The following PHC2 variants were observed in gnomAD, a reference collection of about 807,000 sequenced individuals.
PHC2 encodes the protein polyhomeotic-like protein 2.
A neutral mutation model predicts 87.4 loss-of-function variants in PHC2; 29 were observed. The observed-to-expected ratio is 0.33, with a 90% CI of 0.25 to 0.45. PHC2 has a LOEUF of 0.45. PHC2 is among the 20% of genes least tolerant of loss of function. PHC2 has a pLI of 1.00. For missense variants in PHC2, 857 were observed against 1,136.7 expected (o/e 0.75, Z 3.54); for synonymous variants, 438 against 461.7 (o/e 0.95, Z 0.66).
At position 33,356,249 on chromosome 1, in the gene PHC2, T is replaced by TTATATATATATATATATATATA. The variant is rs60725677; in HGVS notation, c.977-1018_977-997dup. Among the ~76,000 whole-genome samples the TTATATATATATATATATATATA allele has an allele frequency of 3.3e-4, 33 of 101,534 alleles. No individual in the cohort carries two copies. In the East Asian group the frequency reaches 5.2e-3, roughly 16 times the overall value. The allele number at this position is 101,534 out of a possible 152,430, so 66.6% of individuals were successfully genotyped here. A position where few individuals can be genotyped will look rare whatever the true frequency, so the allele number is the denominator to read the frequency against. ...GGCTGACTCTTTGAGGTGAAAATTC[T>TTATATATATATATATATATATA]TATATATATATATATATATATATAT... On this transcript the variant is annotated intron_variant, in intron 7 of 14. Coordinates refer to ENST00000683057, the MANE Select transcript of PHC2 (RefSeq NM_001385109.1).
intron 1 of PHC2, among the ~76,000 whole-genome samples, chr1:33,430,402 C>G (rs1256062428): frequency 6.6e-6 from 1 of 152,206 alleles, no homozygotes; most frequent in South Asian, 2.1e-4. Context: ...GTGCCCCCCA[C>G]GCCACGCTTG....
At chr1:33,367,069 G>A (rs760169031) in intron 7 of PHC2, 47 bp downstream of exon 7, 7 of 1,505,768 alleles carry the variant, frequency 4.6e-6, no homozygotes, top group East Asian at 2.3e-5. Flanking sequence ...CCTGACTCAC[G>A]GCCCTGAGTT....
At chr1:33,419,899 GC>G (rs1650364840) in intron 1 of PHC2, among the ~76,000 whole-genome samples, 1 of 150,654 alleles carries the variant, frequency 6.6e-6, no homozygotes, top group South Asian at 2.1e-4. Context: ...GTGAGCCACC[GC>G]GCCCGGCCAC....
chr1:33,356,251 ATATATATATATATATATATATATATG>A (rs1248869939), intron 7 of PHC2, among the ~76,000 whole-genome samples: 10 of 39,810 alleles, frequency 2.5e-4, no homozygotes, highest in East Asian at 1.0e-3. Flanking sequence ...GAAAATTCTT[ATATATATATATATATATATATATATG>A]TATATATATA....
At chr1:33,426,948 AG>A (rs1488174475) in intron 1 of PHC2, among the ~76,000 whole-genome samples, 5 of 152,232 alleles carry the variant, frequency 3.3e-5, no homozygotes, top group African/African-American at 1.2e-4. Flanking sequence ...GCAACAAGAG[AG>A]TATTAAACCA....
chr1:33,425,393 G>A (rs1385604363), intron 1 of PHC2, among the ~76,000 whole-genome samples: 2 of 152,186 alleles, frequency 1.3e-5, no homozygotes, highest in South Asian at 2.1e-4. Context: ...AGTGAAAGCC[G>A]ATAAAGGTAT....
intron 1 of PHC2, 90 bp downstream of exon 1, chr1:33,430,886 G>A (rs1162403096): frequency 1.3e-5 from 2 of 150,488 alleles, no homozygotes; most frequent in African/African-American, 2.4e-5. Flanking sequence ...GGTGCCCAAA[G>A]GGTTAAGCCG....
intron 1 of PHC2, among the ~76,000 whole-genome samples, chr1:33,422,593 A>C (rs569802834): frequency 6.6e-6 from 1 of 152,340 alleles, no homozygotes; most frequent in Middle Eastern, 3.4e-3. Flanking sequence ...CTAGTACCAC[A>C]TTCCCTACTT....
intron 1 of PHC2, among the ~76,000 whole-genome samples, chr1:33,389,962 G>A (rs1007624464): frequency 2.6e-5 from 4 of 152,190 alleles, no homozygotes; most frequent in Non-Finnish European, 4.4e-5. Context: ...TTTATGAAAC[G>A]TAGGTAGCTA....
intron 1 of PHC2, among the ~76,000 whole-genome samples, chr1:33,383,795 C>T (rs541341486): frequency 7.2e-5 from 11 of 152,240 alleles, no homozygotes; most frequent in Admixed American, 3.3e-4. Flanking sequence ...CAGGCACACA[C>T]GGGGAGAAGC....
intron 1 of PHC2, among the ~76,000 whole-genome samples, chr1:33,396,479 A>T (rs1649301002): frequency 6.6e-6 from 1 of 152,186 alleles, no homozygotes; most frequent in South Asian, 2.1e-4. Flanking sequence ...TCTCAGAATG[A>T]ATTTCATTAC....
At chr1:33,356,249 T>TTATATATATATATG (rs1647068798) in intron 7 of PHC2, among the ~76,000 whole-genome samples, 1 of 101,534 alleles carries the variant, frequency 9.8e-6, no homozygotes, top group South Asian at 3.5e-4. Flanking sequence ...GTGAAAATTC[T>TTATATATATATATG]TATATATATA....
chr1:33,423,127 C>T lies in PHC2; in HGVS notation c.-55+7849G>A, dbSNP rs185262333. ...AACCCCAGCATTATGGCTCTAGTGT[C>T]CCTGCAGTGAACCCTTACCTCCAAC... On this transcript the variant is annotated intron_variant, in intron 1 of 14. Coordinates refer to ENST00000683057, the MANE Select transcript of PHC2 (RefSeq NM_001385109.1). Among the ~76,000 whole-genome samples, 576 of 152,184 alleles carry T rather than the reference C, an allele frequency of 3.8e-3. 4 individuals are homozygous for T. The highest frequency in any genetic ancestry group is 0.024 in the Middle Eastern group (7 of 292).
chr1:33,402,335 G>A (rs1160646243), intron 1 of PHC2, among the ~76,000 whole-genome samples: 2 of 152,180 alleles, frequency 1.3e-5, no homozygotes, highest in African/African-American at 4.8e-5. Context: ...CATGGAATGG[G>A]TAGGAGTAAA....
At chr1:33,425,498 C>T (rs1262111430) in intron 1 of PHC2, among the ~76,000 whole-genome samples, 1 of 152,194 alleles carries the variant, frequency 6.6e-6, no homozygotes, top group Non-Finnish European at 1.5e-5. Context: ...ATGAAAAAGA[C>T]ATGGTCCCTA....
intron 1 of PHC2, among the ~76,000 whole-genome samples, chr1:33,424,092 C>G (rs190594475): frequency 1.0e-4 from 13 of 129,334 alleles, no homozygotes; most frequent in Admixed American, 4.7e-4. Context: ...AACGAGACTC[C>G]GTCTCAAAAA....
intron 9 of PHC2, chr1:33,336,694 G>C (rs76122066): frequency 0.027 from 4,185 of 152,342 alleles, 163 homozygotes; most frequent in East Asian, 0.18. Flanking sequence ...ACTGAGGGAC[G>C]GCCCTCCTCT....
At chr1:33,346,220 G>A in intron 9 of PHC2, 6 of 984,576 alleles carry the variant, frequency 6.1e-6, no homozygotes, top group Non-Finnish European at 7.2e-6. Context: ...CCATAGGGCT[G>A]GGGACTGGGG....
rs568433944 is a variant in PHC2 at position 33,393,249 on chromosome 1, C to G, written c.-54-17656G>C. Among the ~76,000 whole-genome samples the G allele has an allele frequency of 3.9e-5, 6 of 152,250 alleles. No individual in the cohort carries two copies. The South Asian group carries it at 1.2e-3, about 32-fold the overall frequency. ...GAAGGCAAAGAATGCATGCTGCATG[C>G]TCAGTAGTTGTCTGGGAGGATGCGA... On this transcript the variant is annotated intron_variant, in intron 1 of 14. Transcript: ENST00000683057.
Sources: gnomAD v4.1 joint callset for allele counts (sites outside exome capture counted in the v4.1 genomes callset) on GRCh38, gnomAD v4.1.1 for gene constraint, MANE v1.5 for transcripts, NCBI Gene and HGNC (gene_info 2026-07-23, HGNC 2026-07-21) for gene names.